FAM83G: variants seen among roughly 807,000 people sequenced by gnomAD.
The protein encoded by FAM83G is scaffolding CK1 anchoring protein G.
A neutral mutation model predicts 61.5 loss-of-function variants in FAM83G; 38 were observed. The ratio of observed to expected loss-of-function variants is 0.62; its 90% CI spans 0.48 to 0.81. The LOEUF (loss-of-function observed/expected upper bound fraction) is 0.81, where lower values mean the gene tolerates loss of function less well. Ranked by LOEUF, FAM83G falls within the 30% of genes least tolerant of loss-of-function variation. The pLI is 0.00. For synonymous variants in FAM83G, 470 were observed against 476.1 expected (o/e 0.99, Z 0.17); for missense variants, 989 against 1,133.6 (o/e 0.87, Z 1.83).
upstream of FAM83G, among the ~76,000 whole-genome samples, chr17:19,005,730 A>G (rs7218569): frequency 0.29 from 43,810 of 151,574 alleles, 8,724 homozygotes; most frequent in African/African-American, 0.54. Context: ...GGCAATGACT[A>G]GCCTCCTAGG....
At chr17:18,981,423 G>C (rs902271277) in intron 3 of FAM83G, among the ~76,000 whole-genome samples, 6 of 152,208 alleles carry the variant, frequency 3.9e-5, no homozygotes, top group Admixed American at 6.5e-5. Context: ...GGGCCAGTAG[G>C]GAGCCATGGG....
At chr17:18,974,396 C>T (rs115914760) in intron 5 of FAM83G, among the ~76,000 whole-genome samples, 1,855 of 152,336 alleles carry the variant, frequency 0.012, 33 homozygotes, top group African/African-American at 0.042. Flanking sequence ...GGCAAAGGGT[C>T]CAGTGGACAG....
chr17:18,995,838 G>T (rs941529695), intron 2 of FAM83G, among the ~76,000 whole-genome samples: 13 of 151,940 alleles, frequency 8.6e-5, no homozygotes, highest in Non-Finnish European at 1.5e-4. Flanking sequence ...AACCCAGGAG[G>T]TGGAGTTTGC....
At position 18,992,484 on chromosome 17, in the gene FAM83G, G is replaced by A. The variant is rs367673365; in HGVS notation, c.523-4070C>T. 6.6e-5 allele frequency among the ~76,000 whole-genome samples: 10 copies of A among 152,352 alleles called. 1 individual carries two copies. Among genetic ancestry groups the A allele is most frequent in the Admixed American group, 5.2e-4 (8 of 15,306 alleles). On this transcript the variant is annotated intron_variant, in intron 2 of 5. Transcript: ENST00000388995. ...CACCTGTGGCCACTGCCCCCCAGCA[G>A]ACACGGCCTGAAGCCACGTAACACT...
intron 2 of FAM83G, among the ~76,000 whole-genome samples, chr17:18,997,530 C>T (rs1248585988): frequency 6.6e-6 from 1 of 152,232 alleles, no homozygotes; most frequent in African/African-American, 2.4e-5. Flanking sequence ...GATTCAAAAG[C>T]CTTTAAAACC....
At chr17:19,001,775 AGCCC>A (rs1459782498) in intron 2 of FAM83G, among the ~76,000 whole-genome samples, 3 of 152,024 alleles carry the variant, frequency 2.0e-5, no homozygotes, top group Non-Finnish European at 4.4e-5. Flanking sequence ...TGGCCCTGGG[AGCCC>A]CTATCTGGCC....
chr17:18,979,105 C>T (rs1199880664), intron 4 of FAM83G: 6 of 564,430 alleles, frequency 1.1e-5, no homozygotes, highest in Non-Finnish European at 1.9e-5. Context: ...ACAGGATTCA[C>T]TAAGCAGCTC....
intron 3 of FAM83G, among the ~76,000 whole-genome samples, chr17:18,980,263 C>T (rs2043096468): frequency 6.6e-6 from 1 of 152,152 alleles, no homozygotes; most frequent in Admixed American, 6.5e-5. Context: ...TCACAGCAAA[C>T]CTTTCTCCTT....
At position 18,971,266 on chromosome 17, in the gene FAM83G, GGGCT is replaced by G. The variant is rs781758793; in HGVS notation, c.*89_*92del. ...CATCCCACCTTCCTGCCGTCCCAGT[GGGCT>G]CTGGTAGGCCCAGGCGGCCTGTCTG... On this transcript the variant is annotated 3_prime_UTR_variant, in exon 6 of 6. Transcript: ENST00000388995. The surrounding 1 kb of genome is among the most constrained non-coding windows in gnomAD (Gnocchi z 5.5). 1 of 1,611,796 alleles carries G rather than the reference GGGCT, an allele frequency of 6.2e-7. No individual in the cohort carries two copies. The highest frequency in any genetic ancestry group is 8.5e-7 in the Non-Finnish European group (1 of 1,178,594).
chr17:18,980,508 C>G (rs547826482), intron 3 of FAM83G, among the ~76,000 whole-genome samples: 6 of 152,086 alleles, frequency 3.9e-5, no homozygotes, highest in African/African-American at 1.4e-4. Flanking sequence ...TTTCCTGGAC[C>G]CTGAACACAT....
chr17:18,984,385 AC>A, intron 3 of FAM83G, among the ~76,000 whole-genome samples: 1 of 151,484 alleles, frequency 6.6e-6, no homozygotes, highest in African/African-American at 2.4e-5. Context: ...TGAATCCACC[AC>A]AGACCCAGGC....
chr17:18,971,478 T>A lies in FAM83G; in HGVS notation c.2353A>T (p.Ile785Phe), dbSNP rs996742496. The A allele has an allele frequency of 1.2e-6, 2 of 1,614,014 alleles. No homozygotes were observed. Among genetic ancestry groups the A allele is most frequent in the Non-Finnish European group, 1.7e-6 (2 of 1,180,026 alleles). Residue 785 changes from isoleucine to phenylalanine, a missense_variant, in exon 6 of 6, where the codon ATC becomes TTC. Around this residue, in one of 3 missense-constraint regions of FAM83G, gnomAD observed 574 missense variants for 645.1 expected, o/e 0.89. Coordinates refer to ENST00000388995, the MANE Select transcript of FAM83G (RefSeq NM_001039999.3). This position sits in a 1 kb window ranked among gnomAD's most constrained non-coding sequence, Gnocchi z 5.5. ...ATEEHPSPFG[I>F]PYSKLSQSKH... ...GACTGAGACAGTTTGGAGTATGGGA[T>A]TCCGAAGGGACTCGGATGCTCCTCG...
rs2042804653 is a variant in FAM83G at position 18,970,124 on chromosome 17, C to T, written c.*1235G>A. ...ACAAACCCTCGGTCTGAATACAGAG[C>T]CTGACCTGAGCTCCATGGGAACAGT... On this transcript the variant is annotated 3_prime_UTR_variant, in exon 6 of 6. Coordinates refer to ENST00000388995, the MANE Select transcript of FAM83G (RefSeq NM_001039999.3). 1 of 152,266 alleles carries T rather than the reference C, an allele frequency of 6.6e-6. No individual in the cohort carries two copies. The highest frequency in any genetic ancestry group is 2.4e-5 in the African/African-American group (1 of 41,462). The allele number at this position is 152,266 out of a possible 1,614,324, so 9.4% of individuals were successfully genotyped here.
At position 18,993,182 on chromosome 17, in the gene FAM83G, C is replaced by G. The variant is rs534259045; in HGVS notation, c.523-4768G>C. Among the ~76,000 whole-genome samples, 3 of 152,210 alleles carry G rather than the reference C, an allele frequency of 2.0e-5. No individual in the cohort carries two copies. In the South Asian group the frequency reaches 6.2e-4, roughly 32 times the overall value. On this transcript the variant is annotated intron_variant, in intron 2 of 5. Transcript: ENST00000388995. ...ACCAACGCATCCTGACCCCTCTCCC[C>G]GACGCTTCCTGATCCCTCTCCCCGA...
intron 2 of FAM83G, among the ~76,000 whole-genome samples, chr17:18,995,254 A>T (rs893709539): frequency 2.0e-5 from 3 of 152,244 alleles, no homozygotes; most frequent in African/African-American, 7.2e-5. Context: ...ACTGTGTTCC[A>T]TGTGTTCAAA....
In FAM83G at chr17:18,970,859, C is replaced by A; in HGVS notation, c.*500G>T. The A allele has an allele frequency of 1.5e-6, 1 of 652,284 alleles. No homozygotes were observed. Among genetic ancestry groups the A allele is most frequent in the South Asian group, 1.9e-5 (1 of 53,878 alleles). The allele number at this position is 652,284 out of a possible 1,614,324, so 40.4% of individuals were successfully genotyped here. ...CTTAAAAAAAAAAACAACCCTCTAC[C>A]CTCACACCTTTCCAAACACTGGGAA... On this transcript the variant is annotated 3_prime_UTR_variant, in exon 6 of 6. Coordinates refer to ENST00000388995, the MANE Select transcript of FAM83G (RefSeq NM_001039999.3).
intron 3 of FAM83G, 79 bp from the exon 4 acceptor site, chr17:18,979,752 A>G (rs1396496241): frequency 9.2e-6 from 14 of 1,521,888 alleles, no homozygotes; most frequent in Non-Finnish European, 1.3e-5. Flanking sequence ...GCAGCTGCCC[A>G]GGGCTCAGAG....
At chr17:18,988,517 G>C (rs1221051132) in intron 2 of FAM83G, 103 bp from the exon 3 acceptor site, 3 of 1,546,972 alleles carry the variant, frequency 1.9e-6, no homozygotes, top group Non-Finnish European at 2.6e-6. Context: ...GCCTCTCACA[G>C]GTGCCCACTC....
At position 18,978,156 on chromosome 17, in the gene FAM83G, C is replaced by CG; in HGVS notation, c.1509dup (p.Val504ArgfsTer19). 6.5e-7 allele frequency: 1 copy of CG among 1,530,564 alleles called. No individual in the cohort carries two copies. Among genetic ancestry groups the CG allele is most frequent in the Non-Finnish European group, 8.8e-7 (1 of 1,142,402 alleles). The allele number at this position is 1,530,564 out of a possible 1,614,324, so 94.8% of individuals were successfully genotyped here. On this transcript the variant is annotated frameshift_variant, in exon 5 of 6. Coordinates refer to ENST00000388995, the MANE Select transcript of FAM83G (RefSeq NM_001039999.3). LOFTEE classifies it high-confidence loss of function. Reference sequence around the variant, plus strand: ...ACAGGGACTGTCCGGGGCTTGGGCACGGGGGGCAATGGCTCAGGGTCCCCC... The same window carrying CG: ...ACAGGGACTGTCCGGGGCTTGGGCACGGGGGGGCAATGGCTCAGGGTCCCCC...
Sources: gnomAD v4.1 joint callset for allele counts (sites outside exome capture counted in the v4.1 genomes callset) on GRCh38, gnomAD v4.1.1 for gene constraint, gnomAD v4.1.1 regional missense constraint, Gnocchi (gnomAD v3.1) non-coding constraint, MANE v1.5 for transcripts, NCBI Gene and HGNC (gene_info 2026-07-23, HGNC 2026-07-21) for gene names.